LINGO2: variants seen among roughly 807,000 people sequenced by gnomAD.
The protein encoded by LINGO2 is leucine-rich repeat and immunoglobulin-like domain-containing nogo receptor-interacting protein 2.
Under a neutral mutation model 30.6 loss-of-function variants are expected in LINGO2, and 14 were observed. The observed-to-expected ratio is 0.46, with a 90% confidence interval of 0.30 to 0.72. LINGO2 has a LOEUF of 0.72. LINGO2 is among the 30% of genes least tolerant of loss of function. LINGO2 has a pLI of 0.07. For missense variants in LINGO2, 729 were observed against 751.7 expected (o/e 0.97, Z 0.35); for synonymous variants, 317 against 288.5 (o/e 1.10, Z -1.00).
At chr9:28,057,512 T>C (rs988458420) in intron 4 of LINGO2, among the ~76,000 whole-genome samples, 1 of 147,738 alleles carries the variant, frequency 6.8e-6, no homozygotes, top group Non-Finnish European at 1.5e-5. Flanking sequence ...AATGTATGCA[T>C]ATATGTGTGT....
chr9:28,643,920 T>C lies in LINGO2; in HGVS notation c.-365+26280A>G, dbSNP rs73445521. Among the ~76,000 whole-genome samples, 257 of 151,934 alleles carry C rather than the reference T, an allele frequency of 1.7e-3. 1 individual carries two copies. The highest frequency in any genetic ancestry group is 5.8e-3 in the African/African-American group (239 of 41,486). On this transcript the variant is annotated intron_variant, in intron 1 of 5. Coordinates refer to ENST00000379992, the Ensembl canonical transcript of LINGO2. ...CAAAAGAAGACATATAAATGGCAAA[T>C]AGGCATACGAAATGGTGTTCGACAT...
the LINGO2 span, among the ~76,000 whole-genome samples, chr9:28,690,133 T>C: frequency 6.6e-6 from 1 of 152,184 alleles, no homozygotes; most frequent in South Asian, 2.1e-4. Flanking sequence ...CTGGGCTTAA[T>C]ACCTAGGTGA....
chr9:29,014,064 A>AT, the LINGO2 span, among the ~76,000 whole-genome samples: 3 of 151,328 alleles, frequency 2.0e-5, no homozygotes, highest in East Asian at 1.9e-4. Context: ...AAATCCATTC[A>AT]TTTTTTTTCT....
At chr9:28,516,329 ACT>A (rs1820618004) in intron 1 of LINGO2, among the ~76,000 whole-genome samples, 1 of 152,012 alleles carries the variant, frequency 6.6e-6, no homozygotes, top group African/African-American at 2.4e-5. Context: ...GTGATACTTC[ACT>A]CTCTTTACAG....
At chr9:28,149,401 GAAGT>G (rs1827919255) in intron 4 of LINGO2, among the ~76,000 whole-genome samples, 1 of 151,568 alleles carries the variant, frequency 6.6e-6, no homozygotes, top group African/African-American at 2.4e-5. Flanking sequence ...CACCGTCTGG[GAAGT>G]AAGGAGCACC....
chr9:28,671,777 C>A (rs1172628953), upstream of LINGO2, among the ~76,000 whole-genome samples: 5 of 151,826 alleles, frequency 3.3e-5, no homozygotes, highest in East Asian at 5.8e-4. Flanking sequence ...TACCCCAAAC[C>A]TAAAATAAGA....
the LINGO2 span, among the ~76,000 whole-genome samples, chr9:28,755,840 C>T: frequency 6.6e-6 from 1 of 152,024 alleles, no homozygotes; most frequent in East Asian, 1.9e-4. Context: ...ACAGCTATGT[C>T]TGATCATTTG....
chr9:29,126,947 G>A, the LINGO2 span, among the ~76,000 whole-genome samples: 1 of 152,012 alleles, frequency 6.6e-6, no homozygotes, highest in Non-Finnish European at 1.5e-5. Flanking sequence ...TGAAAAATGG[G>A]AAATACCTTT....
chr9:28,761,133 G>A, the LINGO2 span, among the ~76,000 whole-genome samples: 24 of 151,776 alleles, frequency 1.6e-4, no homozygotes, highest in African/African-American at 5.1e-4. Flanking sequence ...CCAGTAGTGG[G>A]ATTGCTGGAT....
chr9:28,751,404 G>A, the LINGO2 span, among the ~76,000 whole-genome samples: 6 of 150,994 alleles, frequency 4.0e-5, no homozygotes, highest in African/African-American at 1.5e-4. Flanking sequence ...TATGTCAATT[G>A]CCCAGCTAGG....
chr9:28,077,610 T>A (rs897617691), intron 4 of LINGO2, among the ~76,000 whole-genome samples: 2 of 149,712 alleles, frequency 1.3e-5, no homozygotes, highest in African/African-American at 5.1e-5. Flanking sequence ...TCTCAGGCTA[T>A]GAAGGCAATT....
the LINGO2 span, among the ~76,000 whole-genome samples, chr9:28,866,566 A>G: frequency 6.6e-6 from 1 of 152,124 alleles, no homozygotes; most frequent in Non-Finnish European, 1.5e-5. Flanking sequence ...GCCAACACCC[A>G]GGGCACCCAG....
intron 4 of LINGO2, among the ~76,000 whole-genome samples, chr9:28,280,704 G>A (rs1187477318): frequency 6.6e-6 from 1 of 152,072 alleles, no homozygotes; most frequent in Admixed American, 6.6e-5. Flanking sequence ...TGATCCAGTA[G>A]TAAGTACTCA....
chr9:28,998,492 C>T, the LINGO2 span, among the ~76,000 whole-genome samples: 6 of 151,994 alleles, frequency 3.9e-5, no homozygotes, highest in East Asian at 1.2e-3. Flanking sequence ...TCATAGAACA[C>T]AAAGAGGAAA....
intron 4 of LINGO2, among the ~76,000 whole-genome samples, chr9:28,087,091 A>C (rs558737086): frequency 9.5e-4 from 144 of 152,166 alleles, no homozygotes; most frequent in Non-Finnish European, 1.3e-3. Flanking sequence ...TAGCTTTTTG[A>C]AGAAAAGAAA....
chr9:28,870,712 A>C, the LINGO2 span, among the ~76,000 whole-genome samples: 4 of 146,934 alleles, frequency 2.7e-5, no homozygotes, highest in Admixed American at 2.7e-4. Flanking sequence ...GCATAAAAAG[A>C]AGCAACAAAA....
At chr9:28,395,964 C>T (rs1242005802) in intron 2 of LINGO2, among the ~76,000 whole-genome samples, 1 of 152,074 alleles carries the variant, frequency 6.6e-6, no homozygotes, top group Admixed American at 6.5e-5. Flanking sequence ...AGATTCCTAT[C>T]CATTTGTCTT....
intron 4 of LINGO2, among the ~76,000 whole-genome samples, chr9:28,286,730 G>A (rs13287765): frequency 0.17 from 25,513 of 152,114 alleles, 2,794 homozygotes; most frequent in Non-Finnish European, 0.24. Flanking sequence ...AACACCTCAT[G>A]TTCTCACTTA....
chr9:29,180,286 T>G, the LINGO2 span, among the ~76,000 whole-genome samples: 2 of 152,190 alleles, frequency 1.3e-5, no homozygotes, highest in Admixed American at 1.3e-4. Flanking sequence ...GAAACAAGAT[T>G]ATCATCAACA....
Sources: allele counts gnomAD v4.1 joint callset (sites outside exome capture counted in the v4.1 genomes callset), GRCh38; gene constraint gnomAD v4.1.1; transcripts MANE v1.5; gene names NCBI Gene and HGNC (gene_info 2026-07-23, HGNC 2026-07-21).